Variants in BAIAP3 observed in about 807,000 individuals in gnomAD.
BAIAP3 encodes the protein BAI1-associated protein 3.
Under a neutral mutation model 149.7 loss-of-function variants are expected in BAIAP3, and 180 were observed. The observed-to-expected ratio is 1.20, with a 90% CI of 1.07 to 1.36. The LOEUF is 1.36. BAIAP3 is among the 40% of genes most tolerant of loss of function. BAIAP3 has a pLI of 0.00. For missense variants in BAIAP3, 1,767 were observed against 1,563.4 expected, an observed-to-expected ratio of 1.13 and a Z score of -2.20; for synonymous variants, 845 against 670.7, an observed-to-expected ratio of 1.26 and a Z score of -4.02.
In BAIAP3 at chr16:1,344,252, C is replaced by T. The variant is rs1046636182; in HGVS notation, c.1537C>T (p.Gln513Ter). 2.5e-6 allele frequency: 4 copies of T among 1,613,688 alleles called. No homozygotes were observed. Among genetic ancestry groups the T allele is most frequent in the Non-Finnish European group, 3.4e-6 (4 of 1,179,976 alleles). ...LKCLGKLQLF[Q>*]PSFEICPFES... The stretch of plus-strand genomic sequence containing the variant: ...GTGTCTGGGCAAGCTGCAGCTCTTC[C>T]AACCCTCCTTTGAGATCTGCCCCTT... The change falls in exon 17 of 34, where the codon CAA becomes TAA. Residue 513 changes from glutamine to a stop codon, truncating the protein, a stop_gained. Transcript: ENST00000426824. LOFTEE classifies it high-confidence loss of function.
Position 1,349,311 on chromosome 16 carries a change from G to T in BAIAP3, c.*829G>T. 1 of 1,052,552 alleles carries T rather than the reference G, an allele frequency of 9.5e-7. No individual in the cohort carries two copies. Among genetic ancestry groups the T allele is most frequent in the Non-Finnish European group, 1.5e-6 (1 of 679,152 alleles). The allele number at this position is 1,052,552 out of a possible 1,614,324, so 65.2% of individuals were successfully genotyped here. ...GAGCACAGCTGTGCTGGAAGTGTGGGGAGAACCCGGACAGCTCAGTCCTGC... is the reference window on the plus strand; with the variant it reads ...GAGCACAGCTGTGCTGGAAGTGTGGTGAGAACCCGGACAGCTCAGTCCTGC... On this transcript the variant is annotated 3_prime_UTR_variant, in exon 34 of 34. Transcript: ENST00000426824.
intron 11 of BAIAP3, 48 bp downstream of exon 11, chr16:1,342,331 G>T: frequency 6.3e-7 from 1 of 1,580,702 alleles, no homozygotes; most frequent in South Asian, 1.1e-5. Flanking sequence ...AAGGGCCTGG[G>T]GAGTGTCCCA....
At position 1,347,728 on chromosome 16, in the gene BAIAP3, C is replaced by T. The variant is rs746027643; in HGVS notation, c.2932C>T (p.Arg978Cys). Residue 978 changes from arginine to cysteine, a missense_variant, in exon 31 of 34, where the codon CGC (arginine) becomes TGC (cysteine). Transcript: ENST00000426824. Reference sequence around the variant, plus strand: ...GACCCTGGAGCAGAACCGGTTTGGACGCCTGAGCGTCCGTTGCCATTACGA... The same window carrying T: ...GACCCTGGAGCAGAACCGGTTTGGATGCCTGAGCGTCCGTTGCCATTACGA... ...QRTLEQNRFG[R>C]LSVRCHYEAA... 53 of 1,610,052 alleles carry T rather than the reference C, an allele frequency of 3.3e-5. No homozygotes were observed. Among genetic ancestry groups the T allele is most frequent in the South Asian group, 2.4e-4 (22 of 91,016 alleles).
rs1334444441 is a variant in BAIAP3 at position 1,347,935 on chromosome 16, CA to C, written c.3068del (p.His1023LeufsTer13). The C allele has an allele frequency of 5.0e-6, 8 of 1,612,036 alleles. No individual in the cohort carries two copies. Among genetic ancestry groups the C allele is most frequent in the Non-Finnish European group, 6.8e-6 (8 of 1,179,948 alleles). On this transcript the variant is annotated frameshift_variant, in exon 32 of 34. Transcript: ENST00000426824. LOFTEE classifies it high-confidence loss of function. ...PFVIVELGPPHLFPLVRSQRT... is the reference protein window; with the variant it reads ...PFVIVELGPPXLFPLVRSQRT... ...TGTGATCGTGGAGCTGGGCCCACCG[CA>C]TCTCTTTCCACTGGTCCGCAGCCAG...
chr16:1,347,415 G>A, intron 29 of BAIAP3, 46 bp downstream of exon 29: 3 of 1,605,660 alleles, frequency 1.9e-6, no homozygotes, highest in Non-Finnish European at 2.6e-6. Context: ...TGAGGGGACT[G>A]AGTTCAAACT....
Position 1,345,315 on chromosome 16 carries a change from C to T in BAIAP3, c.2007C>T (p.Phe669=). 1 of 1,613,162 alleles carries T rather than the reference C, an allele frequency of 6.2e-7. No individual in the cohort carries two copies. Among genetic ancestry groups the T allele is most frequent in the South Asian group, 1.1e-5 (1 of 91,076 alleles). Residue 669 remains phenylalanine (F), a synonymous_variant, in exon 22 of 34, where the codon TTC becomes TTT. Transcript: ENST00000426824. ...TCCTGCCTGCTGTGAAGCTCTGGTTCCAAGTGCTGAGGGACCAGGCCAAGT... is the reference window on the plus strand; with the variant it reads ...TCCTGCCTGCTGTGAAGCTCTGGTTTCAAGTGCTGAGGGACCAGGCCAAGT... ...APFLPAVKLW[F]QVLRDQAKWR...
rs748030455 is a variant in BAIAP3, at chr16:1,347,794, G to A, written c.2998G>A (p.Ala1000Thr). The change falls in exon 31 of 34, where the codon GCG becomes ACG. Residue 1000 changes from alanine to threonine, a missense_variant. Transcript: ENST00000426824. ...QRLAVEVLHAADLLPLDANGL... is the reference protein window; with the variant it reads ...QRLAVEVLHATDLLPLDANGL... The stretch of plus-strand genomic sequence containing the variant: ...GCTGGCCGTGGAGGTGCTGCACGCC[G>A]CGGACCTGCTCCCCCTGGACGCCAA... 11 of 1,607,486 alleles carry A rather than the reference G, an allele frequency of 6.8e-6. No homozygotes were observed. The highest frequency in any genetic ancestry group is 2.2e-5 in the East Asian group (1 of 44,710).
At chr16:1,339,872 GACACAC>G (rs2033756913) in intron 5 of BAIAP3, among the ~76,000 whole-genome samples, 2 of 119,724 alleles carry the variant, frequency 1.7e-5, no homozygotes, top group Non-Finnish European at 3.4e-5. Flanking sequence ...GGTGCACACA[GACACAC>G]GCACACAGGC....
intron 5 of BAIAP3, among the ~76,000 whole-genome samples, chr16:1,340,378 CG>C (rs1386983750): frequency 7.1e-6 from 1 of 140,236 alleles, no homozygotes; most frequent in African/African-American, 2.6e-5. Context: ...CACACAGACA[CG>C]CACACAGGTT....
intron 1 of BAIAP3, 31 bp from the exon 2 acceptor site, chr16:1,338,509 C>T (rs1312338105): frequency 7.3e-7 from 1 of 1,363,482 alleles, no homozygotes; most frequent in African/African-American, 1.5e-5. Context: ...AGTGGACGAC[C>T]TGAGGCTGCG....
rs1007166101 is a variant in BAIAP3, at chr16:1,336,302, G to C, written c.-10-2238G>C. The C allele has an allele frequency of 9.4e-5, 93 of 985,312 alleles. 1 individual carries two copies. The highest frequency in any genetic ancestry group is 5.1e-4 in the African/African-American group (29 of 57,222). The allele number at this position is 985,312 out of a possible 1,614,324, so 61.0% of individuals were successfully genotyped here. A position where few individuals can be genotyped will look rare whatever the true frequency, so the allele number is the denominator to read the frequency against. On this transcript the variant is annotated intron_variant, in intron 1 of 33. Transcript: ENST00000426824. ...CTGAGGATTTCACGACTGGCTGTGG[G>C]GGTGACAGCTTCCAGAAGCACTGTA...
intron 15 of BAIAP3, 140 bp from the exon 16 acceptor site, chr16:1,343,882 G>A (rs2034110671): frequency 7.4e-7 from 1 of 1,351,906 alleles, no homozygotes. Flanking sequence ...AGGCCGACTG[G>A]GCCTGTGGAG....
At chr16:1,344,204 G>C (rs367664599) in intron 16 of BAIAP3, 23 bp from the exon 17 acceptor site, 1 of 1,612,830 alleles carries the variant, frequency 6.2e-7, no homozygotes, top group Non-Finnish European at 8.5e-7. Context: ...CAGGCCCCAC[G>C]TCAGCGTGCT....
chr16:1,334,616 C>A, intron 1 of BAIAP3: 1 of 1,525,280 alleles, frequency 6.6e-7, no homozygotes, highest in South Asian at 1.2e-5. Flanking sequence ...AGCCCAAGGC[C>A]ACCGGCAGCG....
In BAIAP3 at chr16:1,344,007, G is replaced by A; in HGVS notation, c.1387-15G>A. ...CGGTCGGGGCTGCTGGCACTGAAGG[G>A]CCCTGTCCCCACAGGAGGAGAGCCT... On this transcript the variant is annotated splice_polypyrimidine_tract_variant and intron_variant, in intron 15 of 33. Coordinates refer to ENST00000426824, the MANE Select transcript of BAIAP3 (RefSeq NM_001199097.2). The A allele has an allele frequency of 1.2e-6, 2 of 1,611,688 alleles. No homozygotes were observed. The highest frequency in any genetic ancestry group is 1.7e-6 in the Non-Finnish European group (2 of 1,179,842).
chr16:1,347,534 T>A lies in BAIAP3; in HGVS notation c.2824-11T>A. On this transcript the variant is annotated splice_polypyrimidine_tract_variant and intron_variant, in intron 29 of 33. Coordinates refer to ENST00000426824, the MANE Select transcript of BAIAP3 (RefSeq NM_001199097.2). The stretch of plus-strand genomic sequence containing the variant: ...ACCCAGGGGCCCCTCCTGATGCGCT[T>A]CCCCCTGCAGAGGCTGAAGGAGGAG... 6.3e-7 allele frequency: 1 copy of A among 1,599,242 alleles called. No individual in the cohort carries two copies.
chr16:1,337,279 G>A (rs539779493), intron 1 of BAIAP3, among the ~76,000 whole-genome samples: 29 of 152,364 alleles, frequency 1.9e-4, no homozygotes, highest in African/African-American at 6.7e-4. Flanking sequence ...ACTTTGGGAG[G>A]CCGAGGCTGG....
chr16:1,341,597 C>T, intron 8 of BAIAP3, 108 bp downstream of exon 8: 1 of 1,392,784 alleles, frequency 7.2e-7, no homozygotes, highest in Non-Finnish European at 9.7e-7. Context: ...CTCTTTGGGG[C>T]CGTGTGCCCA....
chr16:1,336,808 C>G (rs994074155), intron 1 of BAIAP3, among the ~76,000 whole-genome samples: 2 of 152,198 alleles, frequency 1.3e-5, no homozygotes, highest in African/African-American at 4.8e-5. Flanking sequence ...TCTCCTGTCC[C>G]GTGAGAATGA....
Sources: gnomAD v4.1 joint callset for allele counts (sites outside exome capture counted in the v4.1 genomes callset) on GRCh38, gnomAD v4.1.1 for gene constraint, MANE v1.5 for transcripts, NCBI Gene and HGNC (gene_info 2026-07-23, HGNC 2026-07-21) for gene names.